POSTN: variants seen among roughly 807,000 people sequenced by gnomAD.
The protein encoded by POSTN is periostin.
POSTN carries 71 observed loss-of-function variants against 104.5 expected under a neutral mutation model. The ratio of observed to expected loss-of-function variants is 0.68; its 90% CI spans 0.56 to 0.83. POSTN has a LOEUF of 0.83. Ranked by LOEUF, POSTN falls within the 40% of genes least tolerant of loss-of-function variation. The pLI, the probability that POSTN is intolerant of heterozygous loss-of-function variation, is 0.00. For synonymous variants in POSTN, 355 were observed against 340.7 expected, an observed-to-expected ratio of 1.04 and a Z score of -0.46; for missense variants, 949 against 1,006.8, an observed-to-expected ratio of 0.94 and a Z score of 0.78.
At chr13:37,580,515 T>C in intron 11 of POSTN, 46 bp downstream of exon 11, 2 of 1,608,670 alleles carry the variant, frequency 1.2e-6, no homozygotes, top group Non-Finnish European at 1.7e-6. Context: ...AACAAAAATA[T>C]GCCAATAGCT....
intron 3 of POSTN, 103 bp downstream of exon 3, chr13:37,591,997 G>T (rs550849508): frequency 6.7e-5 from 44 of 659,604 alleles, no homozygotes; most frequent in Admixed American, 3.3e-4. Context: ...TTGGATTTAG[G>T]ATGGTGCTGA....
intron 5 of POSTN, among the ~76,000 whole-genome samples, chr13:37,587,458 A>G (rs1025065836): frequency 6.6e-6 from 1 of 152,210 alleles, no homozygotes; most frequent in East Asian, 1.9e-4. Context: ...TGATCCAAAC[A>G]CACAAGTACT....
intron 7 of POSTN, among the ~76,000 whole-genome samples, chr13:37,585,582 T>C (rs1252269370): frequency 6.6e-6 from 1 of 152,202 alleles, no homozygotes; most frequent in Middle Eastern, 3.2e-3. Flanking sequence ...GAGGGATCTA[T>C]GCCTCAACTA....
At chr13:37,596,083 G>A (rs2138412284) in intron 2 of POSTN, among the ~76,000 whole-genome samples, 1 of 152,172 alleles carries the variant, frequency 6.6e-6, no homozygotes, top group Admixed American at 6.5e-5. Flanking sequence ...GATTACAGGT[G>A]TGAGCCACCA....
intron 11 of POSTN, 39 bp from the exon 12 acceptor site, chr13:37,580,030 G>T: frequency 9.4e-6 from 15 of 1,588,718 alleles, no homozygotes; most frequent in Non-Finnish European, 1.3e-5. Context: ...GTCAGATTTA[G>T]ATTTAGGTAT....
intron 3 of POSTN, 133 bp downstream of exon 3, chr13:37,591,967 A>T: frequency 1.8e-6 from 1 of 550,276 alleles, no homozygotes. Context: ...TGATTAACAC[A>T]AAAATAGGAG....
rs769491947 is a variant in POSTN, at chr13:37,580,702, G to A, written c.1393-5C>T. On this transcript the variant is annotated splice_polypyrimidine_tract_variant and splice_region_variant and intron_variant, in intron 10 of 22. Coordinates refer to ENST00000379747, the MANE Select transcript of POSTN (RefSeq NM_006475.3). ...TGAATTTTCAATGCAGACAGCCTAG[G>A]AAAGGAAAGAAAGGTATGGGGTGTC... 2 of 1,613,906 alleles carry A rather than the reference G, an allele frequency of 1.2e-6. No individual in the cohort carries two copies. Among genetic ancestry groups the A allele is most frequent in the East Asian group, 2.2e-5 (1 of 44,866 alleles).
chr13:37,562,695 C>G lies in POSTN; in HGVS notation c.*638G>C, dbSNP rs6750. On this transcript the variant is annotated 3_prime_UTR_variant, in exon 23 of 23. Transcript: ENST00000379747. The stretch of plus-strand genomic sequence containing the variant: ...AAATCTTGAGTTTTTCTGAATTACT[C>G]AATTTGAAGTAATTCTCTTTATATC... The G allele has an allele frequency of 0.088, 13,435 of 152,098 alleles. 822 individuals are homozygous for G. Among genetic ancestry groups the G allele is most frequent in the South Asian group, 0.17 (825 of 4,822 alleles). The allele number at this position is 152,098 out of a possible 1,614,324, so 9.4% of individuals were successfully genotyped here.
Position 37,564,544 on chromosome 13 carries a change from C to A in POSTN, c.2448G>T (p.Lys816Asn). Residue 816 changes from lysine (K) to asparagine (N), a missense_variant, in exon 22 of 23, where the codon AAG becomes AAT. Lys to Asn is a moderately conservative substitution (Grantham distance 94, BLOSUM62 0). Coordinates refer to ENST00000379747, the MANE Select transcript of POSTN (RefSeq NM_006475.3). ...CTTGAACTTTTTTGTTGGCTTGCAACTTCCTCACGGGTGTGTCTAAAATTA... is the reference window on the plus strand; with the variant it reads ...CTTGAACTTTTTTGTTGGCTTGCAAATTCCTCACGGGTGTGTCTAAAATTA... ...RLLQGDTPVR[K>N]LQANKKVQGS... is the part of the protein sequence containing the mutation. 6 of 1,600,932 alleles carry A rather than the reference C, an allele frequency of 3.7e-6. No individual in the cohort carries two copies. The highest frequency in any genetic ancestry group is 5.1e-6 in the Non-Finnish European group (6 of 1,170,108).
rs1320032259 is a variant in POSTN, at chr13:37,579,066, G to A, written c.1847C>T (p.Thr616Ile). Reference protein sequence around the residue: ...ELKSKESDIMTTNGVIHVVDK... With the variant: ...ELKSKESDIMITNGVIHVVDK... ...TACAACATGAATTACACCATTTGTT[G>A]TCATGATGTCAGATTCTTTTGATTT... Residue 616 changes from threonine (T) to isoleucine (I), a missense_variant, in exon 14 of 23, where the codon ACA (threonine) becomes ATA (isoleucine). Physicochemically the swap from Thr to Ile is moderately conservative, Grantham distance 89. Coordinates refer to ENST00000379747, the MANE Select transcript of POSTN (RefSeq NM_006475.3). 1 of 1,613,238 alleles carries A rather than the reference G, an allele frequency of 6.2e-7. No individual in the cohort carries two copies. The highest frequency in any genetic ancestry group is 8.5e-7 in the Non-Finnish European group (1 of 1,179,620).
In POSTN at chr13:37,579,360, CT is replaced by C. The variant is rs754296538; in HGVS notation, c.1661-2del. 6.4e-7 allele frequency: 1 copy of C among 1,565,322 alleles called. No homozygotes were observed. The highest frequency in any genetic ancestry group is 8.8e-7 in the Non-Finnish European group (1 of 1,139,424). ...ATGTTTTGAAGAGCATTTTTGTCCC[CT>C]AGGGGAAAATATATGTTTATTTTTA... On this transcript the variant is annotated splice_acceptor_variant, in intron 12 of 22. Coordinates refer to ENST00000379747, the MANE Select transcript of POSTN (RefSeq NM_006475.3). LOFTEE classifies it high-confidence loss of function.
chr13:37,592,001 G>T, intron 3 of POSTN, 99 bp downstream of exon 3: 2 of 719,180 alleles, frequency 2.8e-6, no homozygotes, highest in East Asian at 5.3e-5. Context: ...ATTTAGGATG[G>T]TGCTGAATAC....
At chr13:37,569,647 G>A (rs1175964530) in intron 20 of POSTN, 97 bp downstream of exon 20, 1 of 986,706 alleles carries the variant, frequency 1.0e-6, no homozygotes, top group Admixed American at 1.8e-5. Flanking sequence ...ATGAACAATA[G>A]ATTGAGATAG....
At position 37,579,375 on chromosome 13, in the gene POSTN, T is replaced by C; in HGVS notation, c.1661-16A>G. The C allele has an allele frequency of 6.5e-7, 1 of 1,530,702 alleles. No homozygotes were observed. The highest frequency in any genetic ancestry group is 9.0e-7 in the Non-Finnish European group (1 of 1,112,938). 94.8% of individuals were successfully genotyped at this position (1,530,702 alleles called of 1,614,324 possible). A position where few individuals can be genotyped will look rare whatever the true frequency, so the allele number is the denominator to read the frequency against. ...TTTTTGTCCCCTAGGGGAAAATATA[T>C]GTTTATTTTTATTGAATAATATGAC... On this transcript the variant is annotated splice_polypyrimidine_tract_variant and intron_variant, in intron 12 of 22. Transcript: ENST00000379747.
chr13:37,564,489 T>A lies in POSTN; in HGVS notation c.2473+30A>T. ...TCTTCATGTAACAAAAGAGGCCATA[T>A]ACACACATTACTATAGCCAATACAC... On this transcript the variant is annotated intron_variant, in intron 22 of 22. Transcript: ENST00000379747. 5 of 1,361,498 alleles carry A rather than the reference T, an allele frequency of 3.7e-6. No individual in the cohort carries two copies. The South Asian group carries it at 6.4e-5, about 17-fold the overall frequency. The allele number at this position is 1,361,498 out of a possible 1,614,324, so 84.3% of individuals were successfully genotyped here.
chr13:37,591,449 TTAA>T (rs1950932066), intron 3 of POSTN, among the ~76,000 whole-genome samples: 1 of 152,174 alleles, frequency 6.6e-6, no homozygotes, highest in Non-Finnish European at 1.5e-5. Flanking sequence ...TGGATGGACT[TTAA>T]ATATCAGTCT....
intron 7 of POSTN, 136 bp downstream of exon 7, chr13:37,586,003 A>T (rs1950731313): frequency 7.3e-6 from 5 of 687,576 alleles, no homozygotes; most frequent in Non-Finnish European, 9.2e-6. Flanking sequence ...CTTTTGGAAG[A>T]CATAGTACAT....
chr13:37,595,822 T>G lies in POSTN; in HGVS notation c.218+1362A>C, dbSNP rs1001594283. ...TCCATATTTAGTATCTTTTTTTTTT[T>G]TTTTTTGAGACAGAGTCTCACTCTG... On this transcript the variant is annotated intron_variant, in intron 2 of 22. Coordinates refer to ENST00000379747, the MANE Select transcript of POSTN (RefSeq NM_006475.3). Among the ~76,000 whole-genome samples the G allele has an allele frequency of 6.2e-4, 94 of 151,506 alleles. 1 individual carries two copies. Among genetic ancestry groups the G allele is most frequent in the Non-Finnish European group, 1.2e-3 (79 of 67,764 alleles).
intron 2 of POSTN, among the ~76,000 whole-genome samples, chr13:37,596,398 G>T (rs947155887): frequency 6.6e-6 from 1 of 152,072 alleles, no homozygotes; most frequent in African/African-American, 2.4e-5. Context: ...TTGGATCACA[G>T]GAGTGGTTCT....
Sources: allele counts gnomAD v4.1 joint callset (sites outside exome capture counted in the v4.1 genomes callset), GRCh38; gene constraint gnomAD v4.1.1; transcripts MANE v1.5; gene names NCBI Gene and HGNC (gene_info 2026-07-23, HGNC 2026-07-21).